The following FSTL5 variants were observed in gnomAD, a reference collection of about 807,000 sequenced individuals.
FSTL5 encodes the protein follistatin like 5, also known as follistatin-related protein 5.
FSTL5 carries 62 observed loss-of-function variants against 89.1 expected under a neutral mutation model. That is an observed-to-expected ratio of 0.70 (90% confidence interval 0.57 to 0.86). The LOEUF is 0.86. Among genes scored for constraint, FSTL5 ranks in the 40% least tolerant of loss-of-function variants. The pLI, the probability that FSTL5 is intolerant of heterozygous loss-of-function variation, is 0.00. For missense variants in FSTL5, 1,057 were observed against 1,001.6 expected (o/e 1.06, Z -0.75); for synonymous variants, 383 against 346.2 (o/e 1.11, Z -1.18).
intron 3 of FSTL5, among the ~76,000 whole-genome samples, chr4:161,959,383 A>C (rs1735111101): frequency 6.6e-6 from 1 of 152,094 alleles, no homozygotes; most frequent in African/African-American, 2.4e-5. Flanking sequence ...GTACCAAAAT[A>C]AAGTCTTACA....
In FSTL5 at chr4:161,941,276, T is replaced by C. The variant is rs139848991; in HGVS notation, c.161-20624A>G. Among the ~76,000 whole-genome samples, 7 of 151,666 alleles carry C rather than the reference T, an allele frequency of 4.6e-5. No homozygotes were observed. The East Asian group carries it at 9.7e-4, about 21-fold the overall frequency. ...AAAAATATGTAAGATGTATGAAAAA[T>C]AGAGAAGCATATTCTTCCTTACCAT... On this transcript the variant is annotated intron_variant, in intron 3 of 15. Coordinates refer to ENST00000306100, the MANE Select transcript of FSTL5 (RefSeq NM_020116.5).
chr4:161,416,264 T>C (rs1197575266), intron 15 of FSTL5, among the ~76,000 whole-genome samples: 1 of 152,220 alleles, frequency 6.6e-6, no homozygotes, highest in African/African-American at 2.4e-5. Context: ...CTCATCAGAA[T>C]AAACAATTCA....
At chr4:161,886,016 T>C (rs1294082805) in intron 4 of FSTL5, among the ~76,000 whole-genome samples, 1 of 99,424 alleles carries the variant, frequency 1.0e-5, no homozygotes, top group Non-Finnish European at 2.2e-5. Flanking sequence ...CAACAAATCA[T>C]CAATTATTTG....
At chr4:161,926,470 T>C (rs188671811) in intron 3 of FSTL5, among the ~76,000 whole-genome samples, 77 of 150,596 alleles carry the variant, frequency 5.1e-4, no homozygotes, top group Non-Finnish European at 1.0e-3. Flanking sequence ...AAGCCAGAGA[T>C]CCAGGTAATT....
intron 7 of FSTL5, among the ~76,000 whole-genome samples, chr4:161,655,498 T>A (rs1007785972): frequency 1.3e-5 from 2 of 152,146 alleles, no homozygotes; most frequent in Non-Finnish European, 2.9e-5. Flanking sequence ...ATCTGTGATC[T>A]TTCTAGAATG....
At chr4:161,611,226 G>GTATA (rs1458618658) in intron 7 of FSTL5, among the ~76,000 whole-genome samples, 119 of 92,028 alleles carry the variant, frequency 1.3e-3, no homozygotes, top group Non-Finnish European at 1.9e-3. Flanking sequence ...GTGTGTATGT[G>GTATA]TATACATATA....
At chr4:161,691,812 G>A (rs571368505) in intron 6 of FSTL5, among the ~76,000 whole-genome samples, 1 of 151,954 alleles carries the variant, frequency 6.6e-6, no homozygotes, top group South Asian at 2.1e-4. Context: ...TTCCTTTGAG[G>A]ACTGCTCATT....
At chr4:162,013,956 G>C (rs191460131) in intron 3 of FSTL5, among the ~76,000 whole-genome samples, 2 of 152,096 alleles carry the variant, frequency 1.3e-5, no homozygotes, top group African/African-American at 4.8e-5. Context: ...GAGCCTCATG[G>C]ATCTCAGAAG....
chr4:161,421,432 C>G (rs1731988665), intron 15 of FSTL5, among the ~76,000 whole-genome samples: 1 of 151,508 alleles, frequency 6.6e-6, no homozygotes, highest in African/African-American at 2.4e-5. Flanking sequence ...TGTAAGGTTA[C>G]TACATTTTCA....
chr4:161,540,591 T>C (rs4532193), intron 9 of FSTL5, among the ~76,000 whole-genome samples: 135,874 of 151,984 alleles, frequency 0.89, 61,014 homozygotes, highest in Non-Finnish European at 0.93. Flanking sequence ...TTCCTGCAGG[T>C]TTCATCCTTC....
intron 4 of FSTL5, among the ~76,000 whole-genome samples, chr4:161,825,414 T>G (rs1730638182): frequency 6.6e-6 from 1 of 152,200 alleles, no homozygotes. Flanking sequence ...ATAGAATGAT[T>G]TAGGAAGGAT....
At chr4:162,059,356 T>C (rs1268695229) in intron 2 of FSTL5, among the ~76,000 whole-genome samples, 1 of 152,190 alleles carries the variant, frequency 6.6e-6, no homozygotes, top group Admixed American at 6.5e-5. Flanking sequence ...CATACATTCT[T>C]ACGTGTTAAT....
intron 15 of FSTL5, among the ~76,000 whole-genome samples, chr4:161,443,561 G>A (rs1453981622): frequency 6.6e-6 from 1 of 151,804 alleles, no homozygotes. Context: ...ATTGGAGCCT[G>A]GAATTGTGTC....
intron 7 of FSTL5, among the ~76,000 whole-genome samples, chr4:161,629,380 T>A (rs1261233661): frequency 6.6e-6 from 1 of 152,108 alleles, no homozygotes; most frequent in African/African-American, 2.4e-5. Flanking sequence ...TTTGCTCTTG[T>A]CACCCAGGCT....
At chr4:161,493,749 A>C (rs2126473985) in intron 12 of FSTL5, among the ~76,000 whole-genome samples, 1 of 152,230 alleles carries the variant, frequency 6.6e-6, no homozygotes, top group South Asian at 2.1e-4. Context: ...CATGTGTATA[A>C]GTGAGCCCTT....
At chr4:161,913,518 T>C (rs1362373585) in intron 4 of FSTL5, among the ~76,000 whole-genome samples, 3 of 152,190 alleles carry the variant, frequency 2.0e-5, no homozygotes, top group Non-Finnish European at 4.4e-5. Context: ...AATTGATGTT[T>C]GGGAACCTCC....
chr4:161,940,951 C>T (rs989039388), intron 3 of FSTL5, among the ~76,000 whole-genome samples: 4 of 151,218 alleles, frequency 2.6e-5, no homozygotes, highest in Non-Finnish European at 4.4e-5. Flanking sequence ...AAAGCAAAAC[C>T]CAATAATTTT....
intron 4 of FSTL5, among the ~76,000 whole-genome samples, chr4:161,844,872 G>T (rs1276510906): frequency 6.6e-6 from 1 of 151,894 alleles, no homozygotes; most frequent in Non-Finnish European, 1.5e-5. Context: ...CATGGCATTT[G>T]TACACCTATG....
At chr4:161,948,485 C>CTTTT (rs35577056) in intron 3 of FSTL5, among the ~76,000 whole-genome samples, 1,154 of 114,078 alleles carry the variant, frequency 0.01, 31 homozygotes, top group Non-Finnish European at 0.015. Flanking sequence ...TCTTTTCTTT[C>CTTTT]TTTTTTTTTT....
Sources: gnomAD v4.1 joint callset for allele counts (sites outside exome capture counted in the v4.1 genomes callset) on GRCh38, gnomAD v4.1.1 for gene constraint, MANE v1.5 for transcripts, NCBI Gene and HGNC (gene_info 2026-07-23, HGNC 2026-07-21) for gene names.